COL24A1: variants seen among roughly 807,000 people sequenced by gnomAD.
COL24A1 encodes the protein collagen alpha-1(XXIV) chain.
COL24A1 carries 224 observed loss-of-function variants against 253.9 expected under a neutral mutation model. The ratio of observed to expected loss-of-function variants is 0.88; its 90% confidence interval spans 0.79 to 0.99. The LOEUF is 0.99. COL24A1 is among the 50% of genes least tolerant of loss of function. The probability of loss-of-function intolerance (pLI) is 0.00; values close to 1 mark genes in which losing one functional copy is unlikely to be tolerated. For synonymous variants in COL24A1, 685 were observed against 673.7 expected (o/e 1.02, Z -0.26); for missense variants, 2,131 against 2,068.5 (o/e 1.03, Z -0.59).
intron 43 of COL24A1, among the ~76,000 whole-genome samples, chr1:85,830,579 G>A (rs944071807): frequency 1.3e-4 from 20 of 152,216 alleles, no homozygotes; most frequent in Non-Finnish European, 1.9e-4. Context: ...GCGAGACTCC[G>A]TGGGCATAGG....
chr1:85,871,505 A>T (rs1427938457), intron 35 of COL24A1, among the ~76,000 whole-genome samples: 1 of 152,220 alleles, frequency 6.6e-6, no homozygotes, highest in African/African-American at 2.4e-5. Flanking sequence ...ACCATGATCA[A>T]GTGGGCTTCA....
chr1:86,155,366 T>G (rs1203644071), intron 1 of COL24A1: 1 of 152,670 alleles, frequency 6.6e-6, no homozygotes, highest in Non-Finnish European at 1.5e-5. Flanking sequence ...GTCAATTCTG[T>G]TCCTTGCCCT....
intron 7 of COL24A1, among the ~76,000 whole-genome samples, chr1:86,073,094 G>A (rs1701988028): frequency 6.6e-6 from 1 of 152,154 alleles, no homozygotes; most frequent in Admixed American, 6.5e-5. Flanking sequence ...CTCCTCGCCA[G>A]CAAGTGAACA....
chr1:85,830,135 T>A (rs1457046858), intron 43 of COL24A1, among the ~76,000 whole-genome samples: 1 of 152,078 alleles, frequency 6.6e-6, no homozygotes, highest in Non-Finnish European at 1.5e-5. Flanking sequence ...TAGTTTTCCT[T>A]CTAACAGACA....
intron 43 of COL24A1, among the ~76,000 whole-genome samples, chr1:85,825,011 G>A (rs946708511): frequency 2.0e-5 from 3 of 151,478 alleles, no homozygotes; most frequent in African/African-American, 7.3e-5. Flanking sequence ...CCATGCTGGT[G>A]TGCTGCACTC....
intron 45 of COL24A1, among the ~76,000 whole-genome samples, chr1:85,820,885 A>G (rs1673552936): frequency 6.6e-6 from 1 of 152,180 alleles, no homozygotes; most frequent in Non-Finnish European, 1.5e-5. Flanking sequence ...TTGATAAGGG[A>G]AATATTTTTT....
At chr1:85,824,178 AGAG>A (rs1558262544) in intron 43 of COL24A1, among the ~76,000 whole-genome samples, 1 of 152,178 alleles carries the variant, frequency 6.6e-6, no homozygotes, top group Non-Finnish European at 1.5e-5. Context: ...CACAGACAAC[AGAG>A]GAGAAGGCCA....
intron 51 of COL24A1, among the ~76,000 whole-genome samples, chr1:85,782,539 C>T (rs2101572372): frequency 6.6e-6 from 1 of 152,250 alleles, no homozygotes; most frequent in East Asian, 1.9e-4. Context: ...AGTTTATGTC[C>T]TTTGTAGGGA....
intron 32 of COL24A1, among the ~76,000 whole-genome samples, chr1:85,882,988 C>T (rs956283866): frequency 9.2e-5 from 14 of 152,134 alleles, no homozygotes; most frequent in African/African-American, 3.1e-4. Context: ...TTGAAGACAA[C>T]ATACAATTGG....
chr1:85,790,775 C>G (rs1266392036), intron 47 of COL24A1, among the ~76,000 whole-genome samples: 1 of 152,104 alleles, frequency 6.6e-6, no homozygotes, highest in African/African-American at 2.4e-5. Flanking sequence ...GATGGCAAAG[C>G]CTTGTATTTA....
At chr1:85,907,852 T>C (rs1301309274) in intron 27 of COL24A1, among the ~76,000 whole-genome samples, 2 of 151,804 alleles carry the variant, frequency 1.3e-5, no homozygotes, top group African/African-American at 2.4e-5. Context: ...TAACCCAAGG[T>C]AGATAAAAAT....
chr1:85,875,251 T>G, intron 34 of COL24A1, 26 bp downstream of exon 34: 1 of 1,604,058 alleles, frequency 6.2e-7, no homozygotes, highest in Non-Finnish European at 8.5e-7. Context: ...AGTTTAGAGA[T>G]TCTCCTTTAT....
intron 7 of COL24A1, among the ~76,000 whole-genome samples, chr1:86,082,831 T>C (rs934348420): frequency 2.6e-5 from 4 of 151,542 alleles, no homozygotes; most frequent in African/African-American, 9.7e-5. Flanking sequence ...TTTTTCAGAT[T>C]TTGGAACATT....
At chr1:86,076,595 C>T (rs1007358350) in intron 7 of COL24A1, among the ~76,000 whole-genome samples, 1 of 152,132 alleles carries the variant, frequency 6.6e-6, no homozygotes, top group East Asian at 1.9e-4. Context: ...CAACCCTAAG[C>T]CAAAAGAACA....
At chr1:86,088,910 G>A (rs1703272996) in intron 7 of COL24A1, among the ~76,000 whole-genome samples, 1 of 152,026 alleles carries the variant, frequency 6.6e-6, no homozygotes, top group Non-Finnish European at 1.5e-5. Flanking sequence ...ATTAATTGAA[G>A]GGTCTTCTTT....
chr1:85,945,372 G>A (rs555957355), intron 24 of COL24A1, among the ~76,000 whole-genome samples: 1 of 151,482 alleles, frequency 6.6e-6, no homozygotes, highest in South Asian at 2.1e-4. Context: ...TGAAAATCCT[G>A]AAGCTTAAGG....
At chr1:85,855,642 TG>T (rs1265948577) in intron 37 of COL24A1, among the ~76,000 whole-genome samples, 1 of 152,230 alleles carries the variant, frequency 6.6e-6, no homozygotes, top group Non-Finnish European at 1.5e-5. Context: ...CTTGCATCTA[TG>T]TTCAACAGGG....
chr1:85,854,364 T>C (rs555213329), intron 37 of COL24A1, among the ~76,000 whole-genome samples: 4 of 152,250 alleles, frequency 2.6e-5, no homozygotes, highest in African/African-American at 9.6e-5. Flanking sequence ...TTAGTTACTG[T>C]AGCCTTGTAG....
chr1:85,881,837 C>A (rs1353889691), intron 32 of COL24A1, among the ~76,000 whole-genome samples: 1 of 151,908 alleles, frequency 6.6e-6, no homozygotes, highest in Non-Finnish European at 1.5e-5. Context: ...TTTTCAATTT[C>A]ACTGATTTCT....
Sources: gnomAD v4.1 joint callset for allele counts (sites outside exome capture counted in the v4.1 genomes callset) on GRCh38, gnomAD v4.1.1 for gene constraint, MANE v1.5 for transcripts, NCBI Gene and HGNC (gene_info 2026-07-23, HGNC 2026-07-21) for gene names.